Variants in TMTC2 observed in about 807,000 individuals in gnomAD.
TMTC2 encodes protein O-mannosyl-transferase TMTC2.
A neutral mutation model predicts 82.4 loss-of-function variants in TMTC2; 43 were observed. The ratio of observed to expected loss-of-function variants is 0.52; its 90% CI spans 0.41 to 0.67. TMTC2 has a LOEUF of 0.67. TMTC2 is among the 30% of genes least tolerant of loss of function. TMTC2 has a pLI of 0.00. For missense variants in TMTC2, 919 were observed against 1,012.4 expected (o/e 0.91, Z 1.25); for synonymous variants, 408 against 381.9 (o/e 1.07, Z -0.80).
At chr12:82,962,508 A>G (rs1342011260) in intron 4 of TMTC2, among the ~76,000 whole-genome samples, 1 of 152,090 alleles carries the variant, frequency 6.6e-6, no homozygotes. Context: ...TGAAGACCTA[A>G]GAGTGATAAT....
At chr12:82,755,584 T>C in intron 1 of TMTC2, among the ~76,000 whole-genome samples, 1 of 152,224 alleles carries the variant, frequency 6.6e-6, no homozygotes, top group Admixed American at 6.5e-5. Flanking sequence ...GTGGTAGTTC[T>C]TTTGCTACCA....
intron 7 of TMTC2, among the ~76,000 whole-genome samples, chr12:82,979,560 A>C (rs1207057077): frequency 6.6e-6 from 1 of 151,546 alleles, no homozygotes; most frequent in Non-Finnish European, 1.5e-5. Context: ...TGTTGTAGTT[A>C]TTTGTTTTGA....
intron 7 of TMTC2, among the ~76,000 whole-genome samples, chr12:82,983,581 A>T (rs183142082): frequency 6.6e-6 from 1 of 152,202 alleles, no homozygotes; most frequent in East Asian, 1.9e-4. Flanking sequence ...AATTGGGCTT[A>T]TCTTCACACT....
intron 6 of TMTC2, 32 bp from the exon 7 acceptor site, chr12:82,966,887 G>A (rs374619275): frequency 4.8e-5 from 72 of 1,492,588 alleles, no homozygotes; most frequent in Non-Finnish European, 6.6e-5. Flanking sequence ...CTTTATTGAT[G>A]ATTTATCTAT....
intron 2 of TMTC2, among the ~76,000 whole-genome samples, chr12:82,894,521 C>T (rs1189872571): frequency 1.3e-5 from 2 of 152,160 alleles, no homozygotes; most frequent in African/African-American, 4.8e-5. Context: ...TCTAAACCCC[C>T]TTCTGAATGT....
chr12:82,841,683 C>A (rs1051582755), intron 1 of TMTC2, among the ~76,000 whole-genome samples: 6 of 152,148 alleles, frequency 3.9e-5, no homozygotes, highest in African/African-American at 1.4e-4. Context: ...AAAGTCTGAT[C>A]TTTCTCAGAT....
At chr12:83,040,078 T>C (rs562041705) in intron 9 of TMTC2, among the ~76,000 whole-genome samples, 3 of 152,384 alleles carry the variant, frequency 2.0e-5, no homozygotes, top group East Asian at 1.9e-4. Context: ...CTTTTCTGCA[T>C]ATTTTTGTCA....
intron 11 of TMTC2, among the ~76,000 whole-genome samples, chr12:83,131,906 C>G (rs1170286222): frequency 6.6e-6 from 1 of 151,932 alleles, no homozygotes; most frequent in Non-Finnish European, 1.5e-5. Flanking sequence ...AGGTTTTTTT[C>G]TCAAATAGTA....
intron 1 of TMTC2, among the ~76,000 whole-genome samples, chr12:82,736,897 G>A (rs534730811): frequency 1.2e-3 from 180 of 152,200 alleles, no homozygotes; most frequent in African/African-American, 4.1e-3. Flanking sequence ...GACATAGTAG[G>A]TAAACTTAAT....
chr12:82,905,013 T>G (rs535825609), intron 3 of TMTC2, among the ~76,000 whole-genome samples: 1 of 151,834 alleles, frequency 6.6e-6, no homozygotes, highest in Non-Finnish European at 1.5e-5. Flanking sequence ...AAACCTGCCT[T>G]TATTTTCCCT....
rs1202854853 is a variant in TMTC2 at position 83,134,338 on chromosome 12, G to T, written c.*1949G>T. ...ATAAGGCTATAGAGATTAATTCAGT[G>T]TCTAACATTTGTATTTATTTAAATA... On this transcript the variant is annotated 3_prime_UTR_variant, in exon 12 of 12. Coordinates refer to ENST00000321196, the MANE Select transcript of TMTC2 (RefSeq NM_152588.3). The T allele has an allele frequency of 6.6e-6, 1 of 151,538 alleles. No individual in the cohort carries two copies. The highest frequency in any genetic ancestry group is 1.9e-4 in the East Asian group (1 of 5,168). The allele number at this position is 151,538 out of a possible 1,614,324, so 9.4% of individuals were successfully genotyped here.
chr12:82,937,734 G>GTGGA (rs1555199175), intron 4 of TMTC2, among the ~76,000 whole-genome samples: 2,334 of 22,196 alleles, frequency 0.11, 54 homozygotes, highest in South Asian at 0.22. Context: ...GTGTGGATGT[G>GTGGA]TGTGTGTGTG....
At chr12:82,708,686 G>C (rs1382319995) in intron 1 of TMTC2, among the ~76,000 whole-genome samples, 17 of 152,186 alleles carry the variant, frequency 1.1e-4, no homozygotes, top group South Asian at 2.1e-4. Context: ...CTGCTTCTAC[G>C]ATGCTCGAGT....
At chr12:82,881,456 A>G (rs2137155718) in intron 2 of TMTC2, among the ~76,000 whole-genome samples, 1 of 152,350 alleles carries the variant, frequency 6.6e-6, no homozygotes, top group Middle Eastern at 3.4e-3. Flanking sequence ...AGCGATTACA[A>G]TTACACAAAG....
chr12:83,004,775 G>A (rs1287878312), intron 8 of TMTC2, among the ~76,000 whole-genome samples: 3 of 86,172 alleles, frequency 3.5e-5, no homozygotes, highest in African/African-American at 1.3e-4. Context: ...TTTGAGTAGG[G>A]GTAGGGCGGT....
At chr12:83,037,485 A>G (rs1881708349) in intron 9 of TMTC2, among the ~76,000 whole-genome samples, 1 of 152,226 alleles carries the variant, frequency 6.6e-6, no homozygotes, top group South Asian at 2.1e-4. Flanking sequence ...AATTACGTTT[A>G]ATACTTAAGA....
At chr12:83,036,090 A>G (rs1022115207) in intron 9 of TMTC2, among the ~76,000 whole-genome samples, 4 of 152,310 alleles carry the variant, frequency 2.6e-5, no homozygotes, top group African/African-American at 7.2e-5. Context: ...CTAAAAAGCT[A>G]TGGCCCCATT....
rs372695124 is a variant in TMTC2 at position 83,036,336 on chromosome 12, G to A, written c.2152+5457G>A. Reference sequence around the variant, plus strand: ...TAAAAAATCCATCTTTCTTGCTTGTGAGCTCATAGAAAAGTATAGATTTTT... The same window carrying A: ...TAAAAAATCCATCTTTCTTGCTTGTAAGCTCATAGAAAAGTATAGATTTTT... On this transcript the variant is annotated intron_variant, in intron 9 of 11. Coordinates refer to ENST00000321196, the MANE Select transcript of TMTC2 (RefSeq NM_152588.3). Among the ~76,000 whole-genome samples, 9 of 152,170 alleles carry A rather than the reference G, an allele frequency of 5.9e-5. 1 individual carries two copies. In the South Asian group the frequency reaches 1.9e-3, roughly 32 times the overall value.
chr12:82,925,681 G>GTTAA (rs1875663194), intron 3 of TMTC2, among the ~76,000 whole-genome samples: 1 of 152,130 alleles, frequency 6.6e-6, no homozygotes, highest in South Asian at 2.1e-4. Context: ...GATGTCTGAT[G>GTTAA]TTAACATTGT....
Sources: gnomAD v4.1 joint callset for allele counts (sites outside exome capture counted in the v4.1 genomes callset) on GRCh38, gnomAD v4.1.1 for gene constraint, MANE v1.5 for transcripts, NCBI Gene and HGNC (gene_info 2026-07-23, HGNC 2026-07-21) for gene names.